Variants in LRRN1 observed in about 807,000 individuals in gnomAD.
LRRN1 encodes leucine-rich repeat neuronal protein 1.
Under a neutral mutation model 45.8 loss-of-function variants are expected in LRRN1, and 14 were observed. The observed-to-expected ratio is 0.31, with a 90% CI of 0.20 to 0.48. The LOEUF (loss-of-function observed/expected upper bound fraction) is 0.48. Ranked by LOEUF, LRRN1 falls within the 20% of genes least tolerant of loss-of-function variation. The probability of loss-of-function intolerance (pLI) is 0.99; values close to 1 mark genes in which losing one functional copy is unlikely to be tolerated. For missense variants in LRRN1, 789 were observed against 874.2 expected, an observed-to-expected ratio of 0.90 and a Z score of 1.23; for synonymous variants, 359 against 330.1, an observed-to-expected ratio of 1.09 and a Z score of -0.95.
At chr3:3,815,693 T>C (rs959313532) in intron 1 of LRRN1, among the ~76,000 whole-genome samples, 1 of 152,222 alleles carries the variant, frequency 6.6e-6, no homozygotes, top group African/African-American at 2.4e-5. Flanking sequence ...TCAAACCATG[T>C]CTTCATTATC....
chr3:3,816,645 A>G lies in LRRN1; in HGVS notation c.-279+16726A>G, dbSNP rs545472653. On this transcript the variant is annotated intron_variant, in intron 1 of 1. Transcript: ENST00000319331. This position sits in a 1 kb window ranked among gnomAD's most constrained non-coding sequence, Gnocchi z 4.0. ...TTAAAGGCAAAAATATAGGTATTACAATTTGAAACTATAAAAGCTTTCTAG... is the reference window on the plus strand; with the variant it reads ...TTAAAGGCAAAAATATAGGTATTACGATTTGAAACTATAAAAGCTTTCTAG... Among the ~76,000 whole-genome samples the G allele has an allele frequency of 3.7e-4, 57 of 152,328 alleles. No homozygotes were observed. Among genetic ancestry groups the G allele is most frequent in the African/African-American group, 1.3e-3 (55 of 41,576 alleles).
chr3:3,846,557 T>C lies in LRRN1; in HGVS notation c.1916T>C (p.Met639Thr). The C allele has an allele frequency of 1.2e-6, 2 of 1,614,170 alleles. No individual in the cohort carries two copies. Among genetic ancestry groups the C allele is most frequent in the Non-Finnish European group, 1.7e-6 (2 of 1,180,032 alleles). ...GCCCTTGCTGCAGTAATGGGGTCTA[T>C]GTTTGCCGTCATTAGCCTTGCGTCC... ...STALAAVMGSMFAVISLASIA... is the reference protein window; with the variant it reads ...STALAAVMGSTFAVISLASIA... Residue 639 changes from methionine (M) to threonine (T), a missense_variant, in exon 2 of 2, where the codon ATG (methionine) becomes ACG (threonine). Coordinates refer to ENST00000319331, the MANE Select transcript of LRRN1 (RefSeq NM_020873.7). This position sits in a 1 kb window ranked among gnomAD's most constrained non-coding sequence, Gnocchi z 5.7.
rs1693818847 is a variant in LRRN1, at chr3:3,848,178, G to A, written c.*1386G>A. The stretch of plus-strand genomic sequence containing the variant: ...CCGTGTTAGTCTCTATATCTGTGTG[G>A]CAATATCTGCTGAGACAAGTAAATG... On this transcript the variant is annotated 3_prime_UTR_variant, in exon 2 of 2. Coordinates refer to ENST00000319331, the MANE Select transcript of LRRN1 (RefSeq NM_020873.7). Among the ~76,000 whole-genome samples, 1 of 152,106 alleles carries A rather than the reference G, an allele frequency of 6.6e-6. No homozygotes were observed. The highest frequency in any genetic ancestry group is 2.4e-5 in the African/African-American group (1 of 41,408).
intron 1 of LRRN1, among the ~76,000 whole-genome samples, chr3:3,815,165 T>G (rs1692963185): frequency 6.6e-6 from 1 of 152,140 alleles, no homozygotes; most frequent in Non-Finnish European, 1.5e-5. Flanking sequence ...AGCATTCCTA[T>G]TCTGTCCCCT....
Position 3,843,212 on chromosome 3 carries a change from G to A in LRRN1, c.-278-1152G>A, listed in dbSNP as rs138101228. On this transcript the variant is annotated intron_variant, in intron 1 of 1. Coordinates refer to ENST00000319331, the MANE Select transcript of LRRN1 (RefSeq NM_020873.7). ...TAGCTGAAGATACTTGAGGCTTCAA[G>A]AGGTTATATAAACATGTTCATGGTC... Among the ~76,000 whole-genome samples, 131 of 152,286 alleles carry A rather than the reference G, an allele frequency of 8.6e-4. 5 individuals carry two copies. In the East Asian group the frequency reaches 0.024, roughly 27 times the overall value.
intron 1 of LRRN1, among the ~76,000 whole-genome samples, chr3:3,839,053 T>C (rs1315953640): frequency 6.6e-6 from 1 of 152,160 alleles, no homozygotes; most frequent in Non-Finnish European, 1.5e-5. Context: ...TGCCTGTGTT[T>C]TTGGTGTCAT....
chr3:3,815,878 AATTT>A (rs1334580140), intron 1 of LRRN1, among the ~76,000 whole-genome samples: 1 of 141,668 alleles, frequency 7.1e-6, no homozygotes, highest in African/African-American at 2.6e-5. Context: ...TTTACTCTAA[AATTT>A]ATTTTATTAA....
chr3:3,845,148 A>G lies in LRRN1; in HGVS notation c.507A>G (p.Leu169=), dbSNP rs754003496. 6.2e-7 allele frequency: 1 copy of G among 1,614,200 alleles called. No homozygotes were observed. The highest frequency in any genetic ancestry group is 8.5e-7 in the Non-Finnish European group (1 of 1,180,034). ...ATGCTTTTGCAGGCTTAAAAAATCT[A>G]TTAAGGCTCCACCTGAACTCCAACA... is the stretch of plus-strand genomic sequence containing the variant. ...SAHAFAGLKN[L]LRLHLNSNKL... is the part of the protein sequence containing the mutation. Residue 169 remains leucine, a synonymous_variant, in exon 2 of 2, where the codon CTA becomes CTG. Transcript: ENST00000319331. This position sits in a 1 kb window ranked among gnomAD's most constrained non-coding sequence, Gnocchi z 6.5.
At chr3:3,804,329 G>A (rs993015298) in intron 1 of LRRN1, 4 of 152,154 alleles carry the variant, frequency 2.6e-5, no homozygotes, top group African/African-American at 9.7e-5. Context: ...TTACTAAAAG[G>A]TTTATGTAAG....
At chr3:3,819,702 G>T (rs1045505186) in intron 1 of LRRN1, among the ~76,000 whole-genome samples, 1 of 152,120 alleles carries the variant, frequency 6.6e-6, no homozygotes, top group Non-Finnish European at 1.5e-5. Context: ...AATTGTATCT[G>T]CAATGACCCT....
intron 1 of LRRN1, among the ~76,000 whole-genome samples, chr3:3,810,820 C>G (rs1242996646): frequency 6.6e-6 from 1 of 152,222 alleles, no homozygotes; most frequent in Non-Finnish European, 1.5e-5. Context: ...GTTGGCCTCC[C>G]TGGCACCTCC....
chr3:3,843,945 A>G (rs1201803123), intron 1 of LRRN1, among the ~76,000 whole-genome samples: 1 of 152,216 alleles, frequency 6.6e-6, no homozygotes, highest in East Asian at 1.9e-4. Context: ...TTTTGGAGCT[A>G]TAAATACATG....
chr3:3,828,602 T>C (rs1693282949), intron 1 of LRRN1, among the ~76,000 whole-genome samples: 1 of 152,130 alleles, frequency 6.6e-6, no homozygotes, highest in Non-Finnish European at 1.5e-5. Flanking sequence ...CCTGAGATCA[T>C]ACATTACCTT....
chr3:3,819,185 G>A (rs895726511), intron 1 of LRRN1, among the ~76,000 whole-genome samples: 33 of 151,924 alleles, frequency 2.2e-4, no homozygotes, highest in African/African-American at 7.7e-4. Context: ...ATGGGATCTC[G>A]CTATGTTAGC....
intron 1 of LRRN1, among the ~76,000 whole-genome samples, chr3:3,817,579 A>T (rs114194670): frequency 0.012 from 1,819 of 152,326 alleles, 39 homozygotes; most frequent in African/African-American, 0.041. Flanking sequence ...TCTTAGTCTA[A>T]AGTTTAAACA....
intron 1 of LRRN1, among the ~76,000 whole-genome samples, chr3:3,835,575 A>G (rs1575297228): frequency 7.0e-6 from 1 of 143,882 alleles, no homozygotes; most frequent in East Asian, 2.1e-4. Context: ...CCAACCCCAG[A>G]GCTGCCTGAT....
intron 1 of LRRN1, among the ~76,000 whole-genome samples, chr3:3,825,246 T>A (rs538595086): frequency 5.9e-5 from 9 of 152,332 alleles, no homozygotes; most frequent in African/African-American, 2.2e-4. Flanking sequence ...GTGCCATCCA[T>A]GCCCAGTTCC....
chr3:3,825,624 G>T (rs897493775), intron 1 of LRRN1, among the ~76,000 whole-genome samples: 1 of 152,152 alleles, frequency 6.6e-6, no homozygotes, highest in African/African-American at 2.4e-5. Flanking sequence ...GAATTTGGGA[G>T]CAAGGCACTC....
intron 1 of LRRN1, among the ~76,000 whole-genome samples, chr3:3,800,341 G>C (rs1692619910): frequency 6.6e-6 from 1 of 152,094 alleles, no homozygotes; most frequent in South Asian, 2.1e-4. Flanking sequence ...GAGCAGCGCG[G>C]AAAGGGGGCC....
Sources: gnomAD v4.1 joint callset for allele counts (sites outside exome capture counted in the v4.1 genomes callset) on GRCh38, gnomAD v4.1.1 for gene constraint, Gnocchi (gnomAD v3.1) non-coding constraint, MANE v1.5 for transcripts, NCBI Gene and HGNC (gene_info 2026-07-23, HGNC 2026-07-21) for gene names.